Variants in PRSS23 observed in about 807,000 individuals in gnomAD.
The protein encoded by PRSS23 is protease, serine 23.
In PRSS23, 25 loss-of-function variants were observed where a neutral mutation model predicts 34.7. The ratio of observed to expected loss-of-function variants is 0.72; its 90% CI spans 0.53 to 1.01. PRSS23 has a LOEUF of 1.01. Among genes scored for constraint, PRSS23 ranks in the 50% least tolerant of loss-of-function variants. The pLI is 0.00. For missense variants in PRSS23, 445 were observed against 475.6 expected (o/e 0.94, Z 0.60); for synonymous variants, 176 against 186.6 (o/e 0.94, Z 0.46).
At chr11:86,894,537 A>G (rs2134976395) in intron 2 of PRSS23, among the ~76,000 whole-genome samples, 1 of 152,226 alleles carries the variant, frequency 6.6e-6, no homozygotes, top group East Asian at 1.9e-4. Context: ...TAGAACTCCC[A>G]TGGCAGCTCC....
intron 2 of PRSS23, among the ~76,000 whole-genome samples, chr11:86,846,850 C>G (rs1190949371): frequency 6.6e-6 from 1 of 152,172 alleles, no homozygotes; most frequent in Non-Finnish European, 1.5e-5. Flanking sequence ...GGACCAGTTC[C>G]CCACCATAGT....
intron 2 of PRSS23, among the ~76,000 whole-genome samples, chr11:86,907,909 C>A (rs1399334868): frequency 6.6e-6 from 1 of 152,202 alleles, no homozygotes; most frequent in Non-Finnish European, 1.5e-5. Context: ...TGCCTGCAAC[C>A]ACCATCTATT....
chr11:86,855,997 T>A (rs1285986195), intron 2 of PRSS23, among the ~76,000 whole-genome samples: 1 of 152,208 alleles, frequency 6.6e-6, no homozygotes, highest in Non-Finnish European at 1.5e-5. Flanking sequence ...AACAAATTTT[T>A]TAAAAATATA....
At chr11:86,904,514 A>T (rs923396124) in intron 2 of PRSS23, among the ~76,000 whole-genome samples, 2 of 152,138 alleles carry the variant, frequency 1.3e-5, no homozygotes, top group Non-Finnish European at 2.9e-5. Context: ...TTTCCCAGGA[A>T]GCCTTTCTCA....
chr11:86,930,847 T>G (rs1423270179), intron 2 of PRSS23, among the ~76,000 whole-genome samples: 1 of 140,712 alleles, frequency 7.1e-6, no homozygotes, highest in Non-Finnish European at 1.6e-5. Context: ...ACAAAAGCCC[T>G]GAGCAGGTAA....
chr11:86,835,358 G>A (rs1296065557), intron 2 of PRSS23, among the ~76,000 whole-genome samples: 1 of 152,176 alleles, frequency 6.6e-6, no homozygotes, highest in Non-Finnish European at 1.5e-5. Flanking sequence ...TATGCCATGG[G>A]TTGCAAGCTC....
chr11:86,928,295 A>C (rs1949096120), intron 2 of PRSS23, among the ~76,000 whole-genome samples: 1 of 148,268 alleles, frequency 6.7e-6, no homozygotes, highest in Admixed American at 6.8e-5. Flanking sequence ...CATTAACATA[A>C]ATATACTTAC....
chr11:86,830,902 T>G (rs932531652), intron 2 of PRSS23, among the ~76,000 whole-genome samples: 2 of 151,914 alleles, frequency 1.3e-5, no homozygotes, highest in Non-Finnish European at 2.9e-5. Context: ...TTTGAAATAT[T>G]CTATGGGGAT....
intron 2 of PRSS23, among the ~76,000 whole-genome samples, chr11:86,860,153 T>C (rs1948603128): frequency 6.6e-6 from 1 of 151,576 alleles, no homozygotes; most frequent in South Asian, 2.1e-4. Context: ...CCCTCCATGA[T>C]ATTGTTCTTA....
rs1276735176 is a variant in PRSS23 at position 86,849,307 on chromosome 11, T to C, written c.206+25714T>C. 2.6e-5 allele frequency among the ~76,000 whole-genome samples: 4 copies of C among 152,222 alleles called. No individual in the cohort carries two copies. The South Asian group carries it at 6.2e-4, about 24-fold the overall frequency. ...ATTGGGAGACTTTGCTCTCTTCACA[T>C]GCCTTTCTTGTTACGCCCAAAAGTC... is the stretch of plus-strand genomic sequence containing the variant. On this transcript the variant is annotated intron_variant, in intron 2 of 2. Coordinates refer to the PRSS23 transcript ENST00000533902.
intron 2 of PRSS23, chr11:86,832,844 G>C (rs1948370712): frequency 3.3e-6 from 1 of 303,592 alleles, no homozygotes; most frequent in Admixed American, 4.5e-5. Context: ...ACCAAATATG[G>C]CAGCAAGGAA....
chr11:86,924,074 G>T lies in PRSS23; in HGVS notation c.207-27142G>T, dbSNP rs553792351. Among the ~76,000 whole-genome samples, 8 of 152,314 alleles carry T rather than the reference G, an allele frequency of 5.3e-5. No homozygotes were observed. In the South Asian group the frequency reaches 1.7e-3, roughly 32 times the overall value. On this transcript the variant is annotated intron_variant, in intron 2 of 2. Transcript: ENST00000533902. ...GACACCTAGCAGTAAATGTAGGGAG[G>T]CTTCTAAGGAGGTAAGATCGAGAGC...
intron 2 of PRSS23, among the ~76,000 whole-genome samples, chr11:86,870,644 C>T (rs1193827271): frequency 1.3e-5 from 2 of 152,178 alleles, no homozygotes; most frequent in African/African-American, 4.8e-5. Flanking sequence ...CCTTATATCA[C>T]CTGAAATTGT....
chr11:86,916,411 T>G (rs1392609176), intron 2 of PRSS23, among the ~76,000 whole-genome samples: 1 of 152,168 alleles, frequency 6.6e-6, no homozygotes, highest in Non-Finnish European at 1.5e-5. Context: ...CACCTCTGGC[T>G]TTACCCCTGG....
intron 2 of PRSS23, among the ~76,000 whole-genome samples, chr11:86,916,913 C>T (rs1949016606): frequency 6.6e-6 from 1 of 152,230 alleles, no homozygotes; most frequent in Admixed American, 6.5e-5. Flanking sequence ...GAGCTTTATA[C>T]CTTTCTGTAT....
At chr11:86,796,595 C>T (rs1485952899), upstream of PRSS23, among the ~76,000 whole-genome samples, 1 of 132,136 alleles carries the variant, frequency 7.6e-6, no homozygotes, top group African/African-American at 2.9e-5. Flanking sequence ...GAGCCGAGAT[C>T]GCGCCACTGC....
At chr11:86,859,273 A>G (rs1388292017) in intron 2 of PRSS23, among the ~76,000 whole-genome samples, 1 of 150,976 alleles carries the variant, frequency 6.6e-6, no homozygotes, top group African/African-American at 2.4e-5. Flanking sequence ...GTGATATCTC[A>G]GGTGAGGAGG....
chr11:86,842,396 C>T (rs540272095), intron 2 of PRSS23, among the ~76,000 whole-genome samples: 1 of 152,168 alleles, frequency 6.6e-6, no homozygotes, highest in Non-Finnish European at 1.5e-5. Flanking sequence ...CCTCTCTCAC[C>T]ACTCCAATTC....
chr11:86,791,829 CTAT>C (rs1947953966), intron 1 of PRSS23, among the ~76,000 whole-genome samples: 1 of 152,144 alleles, frequency 6.6e-6, no homozygotes, highest in South Asian at 2.1e-4. Context: ...CTCAGAGGGC[CTAT>C]GCTGCCATGT....
Sources: gnomAD v4.1 joint callset for allele counts (sites outside exome capture counted in the v4.1 genomes callset) on GRCh38, gnomAD v4.1.1 for gene constraint, MANE v1.5 for transcripts, NCBI Gene and HGNC (gene_info 2026-07-23, HGNC 2026-07-21) for gene names.